GRIA3: variants seen among roughly 807,000 people sequenced by gnomAD.
GRIA3 encodes glutamate receptor 3.
GRIA3 carries 3 observed loss-of-function variants against 63.0 expected under a neutral mutation model. That is an observed-to-expected ratio of 0.05 (90% CI 0.02 to 0.12). The LOEUF is 0.12. Among genes scored for constraint, GRIA3 ranks in the 10% least tolerant of loss-of-function variants. The pLI is 1.00. For missense variants in GRIA3, 347 were observed against 700.9 expected (o/e 0.50, Z 5.70); for synonymous variants, 274 against 257.9 (o/e 1.06, Z -0.60).
chrX:123,256,642 G>A (rs2044421515), intron 3 of GRIA3, among the ~76,000 whole-genome samples: 1 of 112,359 alleles, frequency 8.9e-6, no homozygotes, highest in South Asian at 3.7e-4. Flanking sequence ...AGGTAGACAA[G>A]AGCCAGATCA....
intron 14 of GRIA3, among the ~76,000 whole-genome samples, chrX:123,481,094 T>C (rs1224906340): frequency 8.9e-6 from 1 of 111,914 alleles, no homozygotes; most frequent in African/African-American, 3.3e-5. Flanking sequence ...ACTTAAATAA[T>C]ACATGGAACT....
intron 3 of GRIA3, among the ~76,000 whole-genome samples, chrX:123,267,148 T>C (rs1286442829): frequency 1.8e-5 from 2 of 112,105 alleles, no homozygotes; most frequent in East Asian, 5.6e-4. Context: ...AATAACTGAA[T>C]GAGTAAATGA....
At chrX:123,247,993 C>G (rs1440751329) in intron 2 of GRIA3, among the ~76,000 whole-genome samples, 5 of 112,098 alleles carry the variant, frequency 4.5e-5, no homozygotes, top group South Asian at 3.8e-4. Flanking sequence ...TCCTGTATCT[C>G]CCAACATCTA....
At chrX:123,299,273 T>C (rs1003012754) in intron 3 of GRIA3, among the ~76,000 whole-genome samples, 1 of 111,547 alleles carries the variant, frequency 9.0e-6, no homozygotes, top group African/African-American at 3.3e-5. Context: ...AGAAACTCCA[T>C]GGTAGTTTAA....
At chrX:123,381,536 G>A (rs2045324356) in intron 5 of GRIA3, among the ~76,000 whole-genome samples, 1 of 111,443 alleles carries the variant, frequency 9.0e-6, no homozygotes, top group Admixed American at 9.6e-5. Context: ...AAAATGTTAG[G>A]ATAAGAAGTG....
intron 3 of GRIA3, among the ~76,000 whole-genome samples, chrX:123,282,668 G>A: frequency 8.9e-6 from 1 of 112,627 alleles, no homozygotes; most frequent in Non-Finnish European, 1.9e-5. Flanking sequence ...CACTTTGGGA[G>A]GCCAAGGTGG....
chrX:123,311,893 T>C (rs901020667), intron 3 of GRIA3, among the ~76,000 whole-genome samples: 3 of 112,345 alleles, frequency 2.7e-5, no homozygotes, highest in African/African-American at 9.7e-5. Flanking sequence ...TGGAATAATT[T>C]CAGTCACTGA....
chrX:123,368,876 A>G (rs1038767195), intron 5 of GRIA3, among the ~76,000 whole-genome samples: 6 of 111,704 alleles, frequency 5.4e-5, no homozygotes, highest in African/African-American at 1.6e-4. Flanking sequence ...AGATATTCAT[A>G]TAATAGCCAT....
intron 13 of GRIA3, among the ~76,000 whole-genome samples, chrX:123,478,685 G>A (rs981890136): frequency 8.9e-6 from 1 of 112,450 alleles, no homozygotes; most frequent in Non-Finnish European, 1.9e-5. Context: ...AGTCTTATTA[G>A]TGACTGGATA....
chrX:123,235,071 G>T (rs374032598), intron 2 of GRIA3, among the ~76,000 whole-genome samples: 2 of 111,787 alleles, frequency 1.8e-5, no homozygotes, highest in African/African-American at 6.5e-5. Context: ...CTAAAATTTG[G>T]AACAGTGTAC....
At chrX:123,382,588 T>A (rs935087210) in intron 5 of GRIA3, among the ~76,000 whole-genome samples, 1 of 111,395 alleles carries the variant, frequency 9.0e-6, no homozygotes, top group South Asian at 3.8e-4. Flanking sequence ...AGGTGGGAAT[T>A]TGTGGGGTGT....
chrX:123,297,643 G>C (rs1173766171), intron 3 of GRIA3, among the ~76,000 whole-genome samples: 7 of 111,727 alleles, frequency 6.3e-5, no homozygotes, highest in African/African-American at 1.3e-4. Context: ...GTGGCAAAGT[G>C]CGTAGGCTCT....
intron 4 of GRIA3, among the ~76,000 whole-genome samples, chrX:123,343,428 G>T (rs185262325): frequency 1.8e-5 from 2 of 111,338 alleles, no homozygotes; most frequent in African/African-American, 6.5e-5. Flanking sequence ...TACACTTTCT[G>T]CAATACACTT....
intron 5 of GRIA3, among the ~76,000 whole-genome samples, chrX:123,370,086 G>A (rs192740766): frequency 5.4e-5 from 6 of 111,682 alleles, no homozygotes; most frequent in Non-Finnish European, 7.5e-5. Context: ...CCTACAATTC[G>A]CAAGTGGTCA....
At chrX:123,389,118 AC>A (rs1292019266) in intron 5 of GRIA3, among the ~76,000 whole-genome samples, 1 of 111,711 alleles carries the variant, frequency 9.0e-6, no homozygotes. Context: ...TTTTTTTGAG[AC>A]TTGTTTTGTA....
At chrX:123,204,138 G>T (rs1261010991) in intron 2 of GRIA3, among the ~76,000 whole-genome samples, 2 of 111,906 alleles carry the variant, frequency 1.8e-5, no homozygotes, top group Admixed American at 1.9e-4. Context: ...AACTATAATG[G>T]CGTATTTGCA....
At chrX:123,266,436 T>C (rs1468955032) in intron 3 of GRIA3, among the ~76,000 whole-genome samples, 1 of 111,538 alleles carries the variant, frequency 9.0e-6, no homozygotes, top group Admixed American at 9.5e-5. Context: ...AGAAACCTCA[T>C]CCTTGAATCT....
chrX:123,343,889 G>A (rs1223276174), intron 4 of GRIA3, among the ~76,000 whole-genome samples: 1 of 110,335 alleles, frequency 9.1e-6, no homozygotes, highest in African/African-American at 3.3e-5. Flanking sequence ...AGTAGAGATA[G>A]GGATGGGAGA....
intron 4 of GRIA3, among the ~76,000 whole-genome samples, chrX:123,337,956 A>T (rs1325422503): frequency 8.9e-6 from 1 of 112,040 alleles, no homozygotes; most frequent in Non-Finnish European, 1.9e-5. Context: ...TTATTTTTGC[A>T]CACATTAACT....
Sources: allele counts gnomAD v4.1 joint callset (sites outside exome capture counted in the v4.1 genomes callset), GRCh38; gene constraint gnomAD v4.1.1; transcripts MANE v1.5; gene names NCBI Gene and HGNC (gene_info 2026-07-23, HGNC 2026-07-21).